Variants in ETV6 observed in about 807,000 individuals in gnomAD.
ETV6 encodes the protein transcription factor ETV6.
ETV6 carries 16 observed loss-of-function variants against 51.1 expected under a neutral mutation model. That is an observed-to-expected ratio of 0.31 (90% confidence interval 0.21 to 0.48). ETV6 has a LOEUF of 0.48. ETV6 is among the 20% of genes least tolerant of loss of function. The pLI is 0.99. For synonymous variants in ETV6, 240 were observed against 224.1 expected (o/e 1.07, Z -0.64); for missense variants, 458 against 594.8 (o/e 0.77, Z 2.39).
Position 11,676,558 on chromosome 12 carries a change from CCTT to C in ETV6, c.33+26401_33+26403del, listed in dbSNP as rs1864425202. Among the ~76,000 whole-genome samples the C allele has an allele frequency of 2.6e-5, 4 of 152,334 alleles. No homozygotes were observed. In the South Asian group the frequency reaches 8.3e-4, roughly 32 times the overall value. On this transcript the variant is annotated intron_variant, in intron 1 of 7. Transcript: ENST00000396373. ...TGCCCATGCCACTCCCTGAAACACT[CCTT>C]CTATCTCTCTTATCCCAGCTGATGG...
rs1231247603 is a variant in ETV6 at position 11,891,136 on chromosome 12, A to T, written c.*90A>T. ...GAAGTGTGACGGAGCAGGCGGGCTG[A>T]GGAGAGTGGAAAAGGAAGCGACCCA... On this transcript the variant is annotated 3_prime_UTR_variant, in exon 8 of 8. Coordinates refer to ENST00000396373, the MANE Select transcript of ETV6 (RefSeq NM_001987.5). 6.7e-6 allele frequency: 7 copies of T among 1,039,382 alleles called. No individual in the cohort carries two copies. Among genetic ancestry groups the T allele is most frequent in the Non-Finnish European group, 8.7e-6 (6 of 688,138 alleles). The allele number at this position is 1,039,382 out of a possible 1,614,324, so 64.4% of individuals were successfully genotyped here.
Position 11,743,004 on chromosome 12 carries a change from C to T in ETV6, c.34-9446C>T, listed in dbSNP as rs528651345. On this transcript the variant is annotated intron_variant, in intron 1 of 7. Coordinates refer to ENST00000396373, the MANE Select transcript of ETV6 (RefSeq NM_001987.5). ...CATATTTTTTGTAGAGACGGGGTTT[C>T]GCCATGTTGCCCAGGCTGGTCTCGA... Among the ~76,000 whole-genome samples the T allele has an allele frequency of 2.6e-4, 39 of 152,060 alleles. No homozygotes were observed. In the South Asian group the frequency reaches 7.3e-3, roughly 28 times the overall value.
intron 2 of ETV6, among the ~76,000 whole-genome samples, chr12:11,827,553 C>T (rs1336207610): frequency 2.6e-5 from 4 of 152,170 alleles, no homozygotes; most frequent in African/African-American, 9.7e-5. Context: ...CGCCCTGCCC[C>T]CACACCTCCT....
At chr12:11,859,273 C>T (rs1220618541) in intron 4 of ETV6, among the ~76,000 whole-genome samples, 2 of 151,276 alleles carry the variant, frequency 1.3e-5, no homozygotes, top group Admixed American at 6.6e-5. Flanking sequence ...TCCCAAGTAG[C>T]AGGGACTACA....
intron 1 of ETV6, among the ~76,000 whole-genome samples, chr12:11,653,398 G>C (rs1863942407): frequency 6.6e-6 from 1 of 152,162 alleles, no homozygotes; most frequent in African/African-American, 2.4e-5. Context: ...GAGTCACACA[G>C]TGTCTCTAGT....
At chr12:11,818,267 C>T (rs2136430853) in intron 2 of ETV6, among the ~76,000 whole-genome samples, 1 of 152,282 alleles carries the variant, frequency 6.6e-6, no homozygotes, top group South Asian at 2.1e-4. Context: ...CCTGTAATCC[C>T]AGCACTTTGG....
intron 1 of ETV6, among the ~76,000 whole-genome samples, chr12:11,685,511 C>A (rs1283636192): frequency 1.3e-5 from 2 of 151,808 alleles, no homozygotes; most frequent in Admixed American, 1.3e-4. Context: ...AAAGTGACAA[C>A]TTTTTTTTCT....
At chr12:11,866,164 A>T (rs1258428112) in intron 4 of ETV6, among the ~76,000 whole-genome samples, 1 of 151,466 alleles carries the variant, frequency 6.6e-6, no homozygotes, top group East Asian at 1.9e-4. Flanking sequence ...CATTTCAGAT[A>T]TTATACTTTT....
chr12:11,744,343 T>C (rs1865869463), intron 1 of ETV6, among the ~76,000 whole-genome samples: 1 of 152,182 alleles, frequency 6.6e-6, no homozygotes, highest in Non-Finnish European at 1.5e-5. Context: ...ACTTGGCCAC[T>C]TTGTTGTGCC....
chr12:11,698,653 G>T (rs903391969), intron 1 of ETV6, among the ~76,000 whole-genome samples: 1 of 152,146 alleles, frequency 6.6e-6, no homozygotes, highest in African/African-American at 2.4e-5. Context: ...TTTCTTTATA[G>T]GTGTGACCTC....
chr12:11,802,789 G>A (rs1185599030), intron 2 of ETV6, among the ~76,000 whole-genome samples: 2 of 152,186 alleles, frequency 1.3e-5, no homozygotes, highest in Non-Finnish European at 1.5e-5. Context: ...AGCTTTGAAT[G>A]TCTCCAATGT....
chr12:11,807,016 A>G (rs1467591305), intron 2 of ETV6, among the ~76,000 whole-genome samples: 1 of 152,262 alleles, frequency 6.6e-6, no homozygotes, highest in Non-Finnish European at 1.5e-5. Flanking sequence ...GAATTGTCAC[A>G]TTGAAGATTA....
At chr12:11,688,616 T>C (rs575254972) in intron 1 of ETV6, among the ~76,000 whole-genome samples, 1 of 152,324 alleles carries the variant, frequency 6.6e-6, no homozygotes, top group South Asian at 2.1e-4. Flanking sequence ...AAGGCAGAGT[T>C]AGGTGTCCTT....
chr12:11,753,273 C>T (rs1866074265), intron 2 of ETV6, among the ~76,000 whole-genome samples: 1 of 152,150 alleles, frequency 6.6e-6, no homozygotes, highest in Admixed American at 6.5e-5. Flanking sequence ...GGTTTGGGGC[C>T]CACACACCTG....
At chr12:11,667,327 G>A (rs1308208300) in intron 1 of ETV6, among the ~76,000 whole-genome samples, 1 of 152,186 alleles carries the variant, frequency 6.6e-6, no homozygotes, top group Non-Finnish European at 1.5e-5. Flanking sequence ...AGGCTGTTGA[G>A]TGAGAAGCCA....
At chr12:11,665,083 C>G (rs1864170569) in intron 1 of ETV6, among the ~76,000 whole-genome samples, 2 of 152,218 alleles carry the variant, frequency 1.3e-5, no homozygotes, top group Non-Finnish European at 2.9e-5. Context: ...TCTCAGCTCA[C>G]TGCAACCACT....
intron 2 of ETV6, among the ~76,000 whole-genome samples, chr12:11,755,328 A>G (rs1156884927): frequency 2.0e-5 from 3 of 152,210 alleles, no homozygotes; most frequent in African/African-American, 7.2e-5. Flanking sequence ...TAGACTATGG[A>G]TTCAGATTAT....
intron 2 of ETV6, among the ~76,000 whole-genome samples, chr12:11,773,834 C>T (rs959178299): frequency 3.3e-5 from 5 of 152,232 alleles, no homozygotes; most frequent in African/African-American, 1.2e-4. Context: ...CTGGAACTCC[C>T]TTCCACAGGG....
chr12:11,829,877 C>T (rs928456361), intron 2 of ETV6, among the ~76,000 whole-genome samples: 1 of 152,138 alleles, frequency 6.6e-6, no homozygotes, highest in Admixed American at 6.5e-5. Context: ...ACTTCCAATT[C>T]CCTAGTGACA....
Sources: allele counts gnomAD v4.1 joint callset (sites outside exome capture counted in the v4.1 genomes callset), GRCh38; gene constraint gnomAD v4.1.1; transcripts MANE v1.5; gene names NCBI Gene and HGNC (gene_info 2026-07-23, HGNC 2026-07-21).